IGDCC3: variants seen among roughly 807,000 people sequenced by gnomAD.
IGDCC3 encodes the protein putative neuronal cell adhesion molecule.
IGDCC3 carries 47 observed loss-of-function variants against 72.0 expected under a neutral mutation model. The observed-to-expected ratio is 0.65, with a 90% confidence interval of 0.52 to 0.83. The LOEUF (loss-of-function observed/expected upper bound fraction) is 0.83. Among genes scored for constraint, IGDCC3 ranks in the 40% least tolerant of loss-of-function variants. The pLI is 0.00. For missense variants in IGDCC3, 1,038 were observed against 1,091.3 expected, an observed-to-expected ratio of 0.95 and a Z score of 0.69; for synonymous variants, 477 against 472.8, an observed-to-expected ratio of 1.01 and a Z score of -0.11.
chr15:65,350,402 A>G (rs1029414877), intron 2 of IGDCC3, among the ~76,000 whole-genome samples: 12 of 151,002 alleles, frequency 7.9e-5, no homozygotes, highest in African/African-American at 2.9e-4. Context: ...CACCTGCCTC[A>G]ACCTCCCAAA....
At position 65,375,310 on chromosome 15, in the gene IGDCC3, C is replaced by T. The variant is rs1332075106; in HGVS notation, c.196G>A (p.Glu66Lys). Residue 66 changes from glutamate (E) to lysine (K), a missense_variant, in exon 2 of 14, where the codon GAG becomes AAG. Coordinates refer to ENST00000327987, the MANE Select transcript of IGDCC3 (RefSeq NM_004884.4). ...GTGATTCGCACTGGAGGGGTCCCCT[C>T]CACCCTGCAGTCCAGCACTATAGGC... The part of the protein sequence containing the change: ...GQPIVLDCRV[E>K]GTPPVRITWR... 6.2e-7 allele frequency: 1 copy of T among 1,614,128 alleles called. No homozygotes were observed.
chr15:65,333,809 G>GT (rs1384361908), intron 5 of IGDCC3, among the ~76,000 whole-genome samples: 5 of 152,198 alleles, frequency 3.3e-5, no homozygotes, highest in African/African-American at 7.2e-5. Context: ...CTGTGACCTG[G>GT]TTGGGGGGGG....
At chr15:65,375,667 G>A (rs112979103) in intron 1 of IGDCC3, among the ~76,000 whole-genome samples, 8 of 152,322 alleles carry the variant, frequency 5.3e-5, no homozygotes, top group African/African-American at 1.9e-4. Flanking sequence ...TAAGAAAACT[G>A]AAGCCCAGAG....
At chr15:65,361,683 GAC>G (rs1595762892) in intron 2 of IGDCC3, among the ~76,000 whole-genome samples, 1 of 120,696 alleles carries the variant, frequency 8.3e-6, no homozygotes, top group African/African-American at 3.7e-5. Context: ...GGGAAGCGAG[GAC>G]ACACGCACAC....
chr15:65,344,523 G>C (rs2140149691), intron 2 of IGDCC3, among the ~76,000 whole-genome samples: 1 of 152,314 alleles, frequency 6.6e-6, no homozygotes, highest in South Asian at 2.1e-4. Flanking sequence ...GGCCTGGATG[G>C]GGGAGAGGTG....
intron 2 of IGDCC3, among the ~76,000 whole-genome samples, chr15:65,346,753 C>T (rs934017594): frequency 1.3e-5 from 2 of 152,046 alleles, no homozygotes; most frequent in African/African-American, 4.8e-5. Flanking sequence ...GTCATCATGC[C>T]CGGCCGAGAC....
At chr15:65,373,018 C>T (rs540748326) in intron 2 of IGDCC3, among the ~76,000 whole-genome samples, 1 of 152,272 alleles carries the variant, frequency 6.6e-6, no homozygotes, top group East Asian at 1.9e-4. Context: ...GCTGACCCCA[C>T]CCACAGCTTA....
intron 2 of IGDCC3, among the ~76,000 whole-genome samples, chr15:65,366,207 C>CAAA (rs35152855): frequency 6.5e-5 from 5 of 76,752 alleles, no homozygotes; most frequent in Non-Finnish European, 1.1e-4. Flanking sequence ...GACATTGTCT[C>CAAA]AAAAAAAAAA....
At chr15:65,344,195 G>A (rs148564356) in intron 2 of IGDCC3, among the ~76,000 whole-genome samples, 15 of 152,322 alleles carry the variant, frequency 9.8e-5, no homozygotes, top group African/African-American at 3.4e-4. Context: ...AGTATGGGAA[G>A]ATGGGTGTCT....
At position 65,370,566 on chromosome 15, in the gene IGDCC3, A is replaced by ATATG. The variant is rs1193591488; in HGVS notation, c.409+4527_409+4530dup. The stretch of plus-strand genomic sequence containing the variant: ...TATATATATGTGTGTGTGTATATAT[A>ATATG]TATGTATGTATATATATGTATGTAT... On this transcript the variant is annotated intron_variant, in intron 2 of 13. Coordinates refer to ENST00000327987, the MANE Select transcript of IGDCC3 (RefSeq NM_004884.4). Among the ~76,000 whole-genome samples the ATATG allele has an allele frequency of 1.0e-3, 128 of 123,846 alleles. 1 individual carries two copies. Among genetic ancestry groups the ATATG allele is most frequent in the African/African-American group, 4.1e-3 (125 of 30,622 alleles). 81.2% of individuals were successfully genotyped at this position (123,846 alleles called of 152,430 possible). A position where few individuals can be genotyped will look rare whatever the true frequency, so the allele number is the denominator to read the frequency against.
Position 65,377,090 on chromosome 15 carries a change from T to C in IGDCC3, c.103+596A>G, listed in dbSNP as rs2091363401. Among the ~76,000 whole-genome samples, 1 of 152,134 alleles carries C rather than the reference T, an allele frequency of 6.6e-6. No individual in the cohort carries two copies. ...TCGCTTTCGGTGGCTTCTCCTCTCC[T>C]TCTTGGCTCACGGGCTCTGTCCCGG... On this transcript the variant is annotated intron_variant, in intron 1 of 13. Transcript: ENST00000327987. This position sits in a 1 kb window ranked among gnomAD's most constrained non-coding sequence, Gnocchi z 4.9.
chr15:65,377,623 C>T lies in IGDCC3; in HGVS notation c.103+63G>A, dbSNP rs968304395. ...CGGGTCCGCCCCTCGCGCCCGCTCC[C>T]TCCCTGCTCGCCCTTCCCCTGGCTC... On this transcript the variant is annotated intron_variant, in intron 1 of 13. Transcript: ENST00000327987. The surrounding 1 kb of genome is among the most constrained non-coding windows in gnomAD (Gnocchi z 4.9). 42 of 1,351,392 alleles carry T rather than the reference C, an allele frequency of 3.1e-5. No individual in the cohort carries two copies. The Admixed American group carries it at 1.2e-3, about 38-fold the overall frequency. The allele number at this position is 1,351,392 out of a possible 1,614,324, so 83.7% of individuals were successfully genotyped here. A position where few individuals can be genotyped will look rare whatever the true frequency, so the allele number is the denominator to read the frequency against.
chr15:65,365,479 GC>G (rs2091284384), intron 2 of IGDCC3, among the ~76,000 whole-genome samples: 1 of 152,068 alleles, frequency 6.6e-6, no homozygotes, highest in Non-Finnish European at 1.5e-5. Context: ...GCCCAGGGCT[GC>G]CCCCACCACC....
At chr15:65,332,268 ACTC>A (rs1020230161) in intron 6 of IGDCC3, among the ~76,000 whole-genome samples, 162 bp from the exon 7 acceptor site, 3 of 151,664 alleles carry the variant, frequency 2.0e-5, no homozygotes, top group African/African-American at 7.3e-5. Flanking sequence ...CCCAGCCTCT[ACTC>A]CTGCCCAGCT....
At chr15:65,375,818 G>C (rs901430594) in intron 1 of IGDCC3, among the ~76,000 whole-genome samples, 9 of 152,150 alleles carry the variant, frequency 5.9e-5, no homozygotes, top group African/African-American at 1.9e-4. Flanking sequence ...TTCAGGGTGT[G>C]ACCTTAGGTA....
rs770108642 is a variant in IGDCC3 at position 65,333,428 on chromosome 15, G to A, written c.824-13C>T. 6.3e-7 allele frequency: 1 copy of A among 1,586,996 alleles called. No individual in the cohort carries two copies. Among genetic ancestry groups the A allele is most frequent in the South Asian group, 1.1e-5 (1 of 87,678 alleles). ...ATAGGGCGACCATCTGCAGAGGAAG[G>A]GGAGGGGGGATGGGTGAGGGTCAGA... On this transcript the variant is annotated splice_polypyrimidine_tract_variant and intron_variant, in intron 5 of 13. Coordinates refer to ENST00000327987, the MANE Select transcript of IGDCC3 (RefSeq NM_004884.4).
At chr15:65,343,191 T>C (rs1186271008) in intron 2 of IGDCC3, among the ~76,000 whole-genome samples, 1 of 152,178 alleles carries the variant, frequency 6.6e-6, no homozygotes, top group African/African-American at 2.4e-5. Context: ...ATACTTGCTA[T>C]CTGTTCTTGA....
chr15:65,333,391 C>T lies in IGDCC3; in HGVS notation c.848G>A (p.Gly283Asp). Residue 283 changes from glycine (G) to aspartate (D), a missense_variant, in exon 6 of 14, where the codon GGC (glycine) becomes GAC (aspartate). Transcript: ENST00000327987. ...GTTTCCTGTGCCCAGCACCTGGATGCCCTCCACCCCGATAGGGCGACCATC... is the reference window on the plus strand; with the variant it reads ...GTTTCCTGTGCCCAGCACCTGGATGTCCTCCACCCCGATAGGGCGACCATC... ...RLDGRPIGVE[G>D]IQVLGTGNLI... 2 of 1,607,484 alleles carry T rather than the reference C, an allele frequency of 1.2e-6. No homozygotes were observed. The highest frequency in any genetic ancestry group is 8.5e-7 in the Non-Finnish European group (1 of 1,176,858).
At chr15:65,370,518 ATATAT>A (rs2091316474) in intron 2 of IGDCC3, among the ~76,000 whole-genome samples, 4 of 92,640 alleles carry the variant, frequency 4.3e-5, no homozygotes, top group African/African-American at 1.4e-4. Context: ...AAAAAAAAAT[ATATAT>A]ATATATATAT....
Sources: gnomAD v4.1 joint callset for allele counts (sites outside exome capture counted in the v4.1 genomes callset) on GRCh38, gnomAD v4.1.1 for gene constraint, Gnocchi (gnomAD v3.1) non-coding constraint, MANE v1.5 for transcripts, NCBI Gene and HGNC (gene_info 2026-07-23, HGNC 2026-07-21) for gene names.